SNTG1: variants seen among roughly 807,000 people sequenced by gnomAD.
SNTG1 encodes the protein syntrophin gamma 1.
SNTG1 carries 39 observed loss-of-function variants against 74.7 expected under a neutral mutation model. That is an observed-to-expected ratio of 0.52 (90% confidence interval 0.40 to 0.68). The LOEUF is 0.68. Among genes scored for constraint, SNTG1 ranks in the 30% least tolerant of loss-of-function variants. SNTG1 has a pLI of 0.00. For synonymous variants in SNTG1, 254 were observed against 217.1 expected, an observed-to-expected ratio of 1.17 and a Z score of -1.49; for missense variants, 685 against 609.5, an observed-to-expected ratio of 1.12 and a Z score of -1.30.
intron 11 of SNTG1, among the ~76,000 whole-genome samples, chr8:50,542,362 G>T (rs1387272406): frequency 2.6e-5 from 4 of 151,590 alleles, no homozygotes; most frequent in African/African-American, 4.8e-5. Context: ...TCATCATGTT[G>T]GCTAGCCTGG....
At chr8:50,708,769 T>A (rs1372474985) in intron 16 of SNTG1, 117 bp from the exon 17 acceptor site, 1 of 604,280 alleles carries the variant, frequency 1.7e-6, no homozygotes, top group Non-Finnish European at 2.9e-6. Flanking sequence ...ATACAATTAT[T>A]GTTAATATTA....
At chr8:50,043,349 TA>T (rs1243823571) in intron 1 of SNTG1, among the ~76,000 whole-genome samples, 17 of 152,338 alleles carry the variant, frequency 1.1e-4, no homozygotes, top group Admixed American at 3.3e-4. Flanking sequence ...AGCAGGAAAT[TA>T]AATTAGGATT....
At chr8:50,545,803 GT>G (rs745613877) in intron 11 of SNTG1, among the ~76,000 whole-genome samples, 1 of 152,096 alleles carries the variant, frequency 6.6e-6, no homozygotes, top group Non-Finnish European at 1.5e-5. Flanking sequence ...ATGGTGACAG[GT>G]TTGGCACTGG....
At chr8:50,472,672 A>G (rs1298934538) in intron 8 of SNTG1, among the ~76,000 whole-genome samples, 1 of 152,272 alleles carries the variant, frequency 6.6e-6, no homozygotes, top group South Asian at 2.1e-4. Flanking sequence ...GATAAATTGT[A>G]CTAAATCAAA....
chr8:50,128,467 G>A (rs1457318594), intron 1 of SNTG1, among the ~76,000 whole-genome samples: 1 of 152,110 alleles, frequency 6.6e-6, no homozygotes, highest in African/African-American at 2.4e-5. Flanking sequence ...TAGCAAAGAT[G>A]CTAAAATTTG....
chr8:50,425,957 T>C (rs2131492263), intron 4 of SNTG1, among the ~76,000 whole-genome samples: 1 of 152,308 alleles, frequency 6.6e-6, no homozygotes, highest in East Asian at 1.9e-4. Flanking sequence ...ATTCTGGAAG[T>C]CTTCATTAAA....
Position 50,590,872 on chromosome 8 carries a change from A to C in SNTG1, c.811-7A>C, listed in dbSNP as rs375928556. ...TTCTCACTTTTATTATTTATTTATC[A>C]TTGCAGATTAAAAAAATCAACAGAA... On this transcript the variant is annotated splice_polypyrimidine_tract_variant and splice_region_variant and intron_variant, in intron 12 of 18. Transcript: ENST00000642720. 15 of 1,541,894 alleles carry C rather than the reference A, an allele frequency of 9.7e-6. No homozygotes were observed. Among genetic ancestry groups the C allele is most frequent in the Admixed American group, 9.1e-5 (5 of 55,056 alleles).
At chr8:50,042,217 A>ATC (rs1324073878) in intron 1 of SNTG1, among the ~76,000 whole-genome samples, 2 of 152,042 alleles carry the variant, frequency 1.3e-5, no homozygotes, top group African/African-American at 4.8e-5. Flanking sequence ...TTTTACCACC[A>ATC]TCTCTCTCTG....
intron 11 of SNTG1, among the ~76,000 whole-genome samples, chr8:50,540,220 A>C (rs1480892983): frequency 6.6e-6 from 1 of 152,228 alleles, no homozygotes; most frequent in Non-Finnish European, 1.5e-5. Context: ...TGTATTTTAA[A>C]AAATTCATTT....
chr8:50,410,308 GCTACTCA>G (rs1237383653), intron 4 of SNTG1, among the ~76,000 whole-genome samples: 4 of 152,174 alleles, frequency 2.6e-5, no homozygotes, highest in Non-Finnish European at 4.4e-5. Flanking sequence ...ACATCACAGA[GCTACTCA>G]CTGAAATCTG....
intron 13 of SNTG1, among the ~76,000 whole-genome samples, chr8:50,619,322 A>T (rs972245424): frequency 6.6e-6 from 1 of 152,194 alleles, no homozygotes; most frequent in African/African-American, 2.4e-5. Flanking sequence ...CATCTGGAGT[A>T]CCTATATATG....
chr8:50,191,069 T>C (rs2083556314), intron 2 of SNTG1, among the ~76,000 whole-genome samples: 1 of 152,184 alleles, frequency 6.6e-6, no homozygotes, highest in Non-Finnish European at 1.5e-5. Flanking sequence ...CAGAATTCTC[T>C]ATTTTCATCA....
chr8:50,572,275 T>TATATAGAGAGAG (rs567247331), intron 12 of SNTG1, among the ~76,000 whole-genome samples: 1 of 148,310 alleles, frequency 6.7e-6, no homozygotes, highest in Admixed American at 6.7e-5. Context: ...TATATATATA[T>TATATAGAGAGAG]AGAGAGAGAG....
At chr8:49,992,012 T>G (rs1175291761) in intron 1 of SNTG1, among the ~76,000 whole-genome samples, 1 of 152,174 alleles carries the variant, frequency 6.6e-6, no homozygotes, top group East Asian at 1.9e-4. Flanking sequence ...TCTTAATGAT[T>G]TCTCCTCCTG....
chr8:50,059,152 A>G (rs1030056647), intron 1 of SNTG1, among the ~76,000 whole-genome samples: 3 of 152,144 alleles, frequency 2.0e-5, no homozygotes, highest in African/African-American at 7.2e-5. Flanking sequence ...CTTCCATTGA[A>G]GGACATTTGG....
rs184123432 is a variant in SNTG1 at position 50,378,596 on chromosome 8, C to T, written c.-27-15616C>T. ...GATAGGACAGCTCAGAGGAAAGCCACAGCAGGTAGCTCCTTTCTTCAGGCA... is the reference window on the plus strand; with the variant it reads ...GATAGGACAGCTCAGAGGAAAGCCATAGCAGGTAGCTCCTTTCTTCAGGCA... On this transcript the variant is annotated intron_variant, in intron 2 of 18. Coordinates refer to ENST00000642720, the MANE Select transcript of SNTG1 (RefSeq NM_018967.5). Among the ~76,000 whole-genome samples the T allele has an allele frequency of 2.0e-5, 3 of 152,288 alleles. No individual in the cohort carries two copies. The East Asian group carries it at 5.8e-4, about 29-fold the overall frequency.
At chr8:50,408,658 G>A (rs2092909825) in intron 4 of SNTG1, among the ~76,000 whole-genome samples, 1 of 152,180 alleles carries the variant, frequency 6.6e-6, no homozygotes, top group Non-Finnish European at 1.5e-5. Flanking sequence ...ACAGAACTGA[G>A]CATTTGGAGA....
At chr8:50,468,390 C>G (rs2093626263) in intron 8 of SNTG1, among the ~76,000 whole-genome samples, 1 of 152,014 alleles carries the variant, frequency 6.6e-6, no homozygotes, top group East Asian at 1.9e-4. Flanking sequence ...ATCATTATTT[C>G]ATTCCCCCCC....
intron 2 of SNTG1, among the ~76,000 whole-genome samples, chr8:50,178,110 T>TG (rs1488613116): frequency 6.6e-6 from 1 of 152,202 alleles, no homozygotes. Context: ...TTCATTCGTC[T>TG]TCTGAAGGCA....
Sources: allele counts gnomAD v4.1 joint callset (sites outside exome capture counted in the v4.1 genomes callset), GRCh38; gene constraint gnomAD v4.1.1; transcripts MANE v1.5; gene names NCBI Gene and HGNC (gene_info 2026-07-23, HGNC 2026-07-21).